Variants in HEBP2 observed in about 807,000 individuals in gnomAD.
HEBP2 encodes heme binding protein 2.
A neutral mutation model predicts 23.1 loss-of-function variants in HEBP2; 27 were observed. The ratio of observed to expected loss-of-function variants is 1.17; its 90% CI spans 0.86 to 1.61. The LOEUF (loss-of-function observed/expected upper bound fraction) is 1.61, where lower values mean the gene tolerates loss of function less well. Ranked by LOEUF, HEBP2 falls within the 40% of genes most tolerant of loss-of-function variation. The pLI, the probability that HEBP2 is intolerant of heterozygous loss-of-function variation, is 0.00. For missense variants in HEBP2, 245 were observed against 253.8 expected (o/e 0.97, Z 0.24); for synonymous variants, 99 against 95.1 (o/e 1.04, Z -0.24).
Position 138,415,985 on chromosome 6 carries a change from G to A in HEBP2, c.*2907G>A, listed in dbSNP as rs142751674. ...CAGGACTGGTCCCTCCCCTTCTCCT[G>A]GCTACCAGGCCTATAACGAGACTTA... On this transcript the variant is annotated 3_prime_UTR_variant, in exon 4 of 4. Transcript: ENST00000607197. 6.6e-6 allele frequency: 1 copy of A among 152,316 alleles called. No individual in the cohort carries two copies. Among genetic ancestry groups the A allele is most frequent in the African/African-American group, 2.4e-5 (1 of 41,514 alleles). The allele number at this position is 152,316 out of a possible 1,614,324, so 9.4% of individuals were successfully genotyped here. A position where few individuals can be genotyped will look rare whatever the true frequency, so the allele number is the denominator to read the frequency against.
chr6:138,405,422 C>A, intron 2 of HEBP2, 142 bp downstream of exon 2: 1 of 1,017,852 alleles, frequency 9.8e-7, no homozygotes, highest in Non-Finnish European at 1.4e-6. Context: ...TCAGACAAGA[C>A]TCCTCAGGAC....
chr6:138,419,532 G>T lies in HEBP2; in HGVS notation c.*6454G>T, dbSNP rs1455380734. ...AGGGAGAGTTCGCCAGCGGTCATAGGATCCACTGCTCCTATCACATACTGC... is the reference window on the plus strand; with the variant it reads ...AGGGAGAGTTCGCCAGCGGTCATAGTATCCACTGCTCCTATCACATACTGC... On this transcript the variant is annotated 3_prime_UTR_variant, in exon 4 of 4. Coordinates refer to ENST00000607197, the MANE Select transcript of HEBP2 (RefSeq NM_014320.3). 1 of 152,086 alleles carries T rather than the reference G, an allele frequency of 6.6e-6. No homozygotes were observed. Among genetic ancestry groups the T allele is most frequent in the Non-Finnish European group, 1.5e-5 (1 of 68,030 alleles). The allele number at this position is 152,086 out of a possible 1,614,324, so 9.4% of individuals were successfully genotyped here. A position where few individuals can be genotyped will look rare whatever the true frequency, so the allele number is the denominator to read the frequency against.
Position 138,413,158 on chromosome 6 carries a change from C to T in HEBP2, c.*80C>T, listed in dbSNP as rs370272516. ...ATCAACATGACCTATAAGTAAAGTG[C>T]GTGTCTAGTGTCTTCTATTGAGAGT... On this transcript the variant is annotated 3_prime_UTR_variant, in exon 4 of 4. Coordinates refer to ENST00000607197, the MANE Select transcript of HEBP2 (RefSeq NM_014320.3). 17 of 1,069,776 alleles carry T rather than the reference C, an allele frequency of 1.6e-5. No homozygotes were observed. Among genetic ancestry groups the T allele is most frequent in the Admixed American group, 5.8e-5 (3 of 52,108 alleles). 66.3% of individuals were successfully genotyped at this position (1,069,776 alleles called of 1,614,324 possible).
intron 3 of HEBP2, among the ~76,000 whole-genome samples, chr6:138,409,744 G>A (rs904721134): frequency 6.6e-6 from 1 of 152,156 alleles, no homozygotes; most frequent in Non-Finnish European, 1.5e-5. Context: ...GGTGCACAGT[G>A]CCACATATGA....
In HEBP2 at chr6:138,412,953, G is replaced by A. The variant is rs369556522; in HGVS notation, c.493G>A (p.Asp165Asn). 17 of 1,614,038 alleles carry A rather than the reference G, an allele frequency of 1.1e-5. No individual in the cohort carries two copies. The African/African-American group carries it at 2.0e-4, about 19-fold the overall frequency. The change falls in exon 4 of 4, where the codon GAT (aspartate) becomes AAT (asparagine). Residue 165 changes from aspartate to asparagine, a missense_variant. Transcript: ENST00000607197. The stretch of plus-strand genomic sequence containing the variant: ...GACATTAGCAAGCATTTTAAGGGAA[G>A]ATGGAAAAGTTTTCGATGAGAAGGT... ...LLTLASILRE[D>N]GKVFDEKVYY...
At position 138,420,654 on chromosome 6, in the gene HEBP2, A is replaced by G. The variant is rs140669443; in HGVS notation, c.*7576A>G. 5.0e-4 allele frequency: 76 copies of G among 152,362 alleles called. No homozygotes were observed. Among genetic ancestry groups the G allele is most frequent in the African/African-American group, 1.7e-3 (70 of 41,574 alleles). 9.4% of individuals were successfully genotyped at this position (152,362 alleles called of 1,614,324 possible). On this transcript the variant is annotated 3_prime_UTR_variant, in exon 4 of 4. Coordinates refer to ENST00000607197, the MANE Select transcript of HEBP2 (RefSeq NM_014320.3). ...GCTTTTCTGAGGGGGCCCTCTTGCC[A>G]AAGACCAAGCAAGGCCATGGTACAA...
chr6:138,413,182 GTAC>G lies in HEBP2; in HGVS notation c.*110_*112del, dbSNP rs376357189. The G allele has an allele frequency of 1.2e-6, 1 of 820,282 alleles. No individual in the cohort carries two copies. The highest frequency in any genetic ancestry group is 3.3e-4 in the Middle Eastern group (1 of 2,998). 50.8% of individuals were successfully genotyped at this position (820,282 alleles called of 1,614,324 possible). A position where few individuals can be genotyped will look rare whatever the true frequency, so the allele number is the denominator to read the frequency against. ...GCGTGTCTAGTGTCTTCTATTGAGA[GTAC>G]TACTATTAATTAAGCTTATTTCCAA... On this transcript the variant is annotated 3_prime_UTR_variant, in exon 4 of 4. Transcript: ENST00000607197.
In HEBP2 at chr6:138,410,467, A is replaced by G. The variant is rs1314251991; in HGVS notation, c.420-2413A>G. Among the ~76,000 whole-genome samples the G allele has an allele frequency of 2.0e-5, 3 of 151,266 alleles. No homozygotes were observed. In the East Asian group the frequency reaches 5.8e-4, roughly 29 times the overall value. On this transcript the variant is annotated intron_variant, in intron 3 of 3. Transcript: ENST00000607197. ...AAATAAATAATACATTTAAGAGCCA[A>G]AATGTTTCTTTCTTTTTTTTTTTTT...
In HEBP2 at chr6:138,411,901, A is replaced by C. The variant is rs868446455; in HGVS notation, c.420-979A>C. On this transcript the variant is annotated intron_variant, in intron 3 of 3. Transcript: ENST00000607197. ...AGGAGGTCAAGGATGCTCTGCCACC[A>C]TATTCCAGCCTGGGCAACAGACAGA... 1.6e-4 allele frequency among the ~76,000 whole-genome samples: 24 copies of C among 152,268 alleles called. 1 individual carries two copies. Among genetic ancestry groups the C allele is most frequent in the African/African-American group, 5.3e-4 (22 of 41,552 alleles).
intron 1 of HEBP2, 56 bp downstream of exon 1, chr6:138,404,653 T>C (rs1020290299): frequency 8.1e-6 from 9 of 1,108,238 alleles, no homozygotes; most frequent in African/African-American, 1.6e-5. Flanking sequence ...TGATTTGCAG[T>C]GAGGCCAGCG....
chr6:138,407,044 A>G (rs935598219), intron 3 of HEBP2, among the ~76,000 whole-genome samples: 8 of 152,230 alleles, frequency 5.3e-5, no homozygotes, highest in Admixed American at 3.3e-4. Context: ...AGAAAAATGT[A>G]TATATGAATT....
In HEBP2 at chr6:138,414,411, T is replaced by C. The variant is rs1369053439; in HGVS notation, c.*1333T>C. 2 of 152,126 alleles carry C rather than the reference T, an allele frequency of 1.3e-5. No individual in the cohort carries two copies. Among genetic ancestry groups the C allele is most frequent in the Non-Finnish European group, 2.9e-5 (2 of 68,040 alleles). 9.4% of individuals were successfully genotyped at this position (152,126 alleles called of 1,614,324 possible). ...GATTAGCATGATTTAGAAGCCTAGT[T>C]TGGAGGTGAGGTTACTGATGGGAAA... On this transcript the variant is annotated 3_prime_UTR_variant, in exon 4 of 4. Coordinates refer to ENST00000607197, the MANE Select transcript of HEBP2 (RefSeq NM_014320.3).
intron 3 of HEBP2, among the ~76,000 whole-genome samples, chr6:138,412,449 C>T (rs906737966): frequency 6.6e-6 from 1 of 152,018 alleles, no homozygotes; most frequent in Non-Finnish European, 1.5e-5. Flanking sequence ...GAGGGAGTAG[C>T]TTTTTTTATT....
chr6:138,405,153 T>C lies in HEBP2; in HGVS notation c.111T>C (p.Ser37=). 6.2e-7 allele frequency: 1 copy of C among 1,611,094 alleles called. No homozygotes were observed. The highest frequency in any genetic ancestry group is 8.5e-7 in the Non-Finnish European group (1 of 1,179,194). The change falls in exon 2 of 4, where the codon AGT becomes AGC. Residue 37 remains serine (S), a synonymous_variant. Coordinates refer to ENST00000607197, the MANE Select transcript of HEBP2 (RefSeq NM_014320.3). The part of the protein sequence containing the change: ...APEDAGPQPG[S]YEIRHYGPAK... ...TCTCTGTTCCACTTTAGCCCGGAAG[T>C]TATGAGATCCGACACTATGGACCAG...
In HEBP2 at chr6:138,421,521, A is replaced by AAAAT. The variant is rs1207884136; in HGVS notation, c.*8447_*8450dup. ...TTTGTTTCTCTCCCCACTGATAGTA[A>AAAAT]AAATAAAGTGGAAATAATTTAGGGC... On this transcript the variant is annotated 3_prime_UTR_variant, in exon 4 of 4. Transcript: ENST00000607197. 6.6e-6 allele frequency: 1 copy of AAAAT among 152,206 alleles called. No individual in the cohort carries two copies. Among genetic ancestry groups the AAAAT allele is most frequent in the African/African-American group, 2.4e-5 (1 of 41,448 alleles). The allele number at this position is 152,206 out of a possible 1,614,324, so 9.4% of individuals were successfully genotyped here. A position where few individuals can be genotyped will look rare whatever the true frequency, so the allele number is the denominator to read the frequency against.
upstream of HEBP2, chr6:138,403,638 G>A: frequency 2.3e-6 from 1 of 434,270 alleles, no homozygotes; most frequent in Middle Eastern, 3.1e-4. Flanking sequence ...AGTCGGCCTG[G>A]CCGGCGGAAA....
At position 138,418,560 on chromosome 6, in the gene HEBP2, A is replaced by G. The variant is rs893594931; in HGVS notation, c.*5482A>G. 2 of 152,296 alleles carry G rather than the reference A, an allele frequency of 1.3e-5. No individual in the cohort carries two copies. Among genetic ancestry groups the G allele is most frequent in the East Asian group, 3.8e-4 (2 of 5,200 alleles). 9.4% of individuals were successfully genotyped at this position (152,296 alleles called of 1,614,324 possible). Reference sequence around the variant, plus strand: ...CCATTGGAAGATGGAAATGATATGTACAGGAGCAGTTCCAAGCCAGACCAG... The same window carrying G: ...CCATTGGAAGATGGAAATGATATGTGCAGGAGCAGTTCCAAGCCAGACCAG... On this transcript the variant is annotated 3_prime_UTR_variant, in exon 4 of 4. Coordinates refer to ENST00000607197, the MANE Select transcript of HEBP2 (RefSeq NM_014320.3).
At chr6:138,403,696 C>CT (rs1475944424), upstream of HEBP2, 1 of 413,916 alleles carries the variant, frequency 2.4e-6, no homozygotes, top group African/African-American at 2.1e-5. Context: ...CGGGAAAGCC[C>CT]TGGTAACCAA....
At chr6:138,410,471 GTTTC>G (rs1211806304) in intron 3 of HEBP2, among the ~76,000 whole-genome samples, 78 of 144,214 alleles carry the variant, frequency 5.4e-4, no homozygotes, top group African/African-American at 1.8e-3. Flanking sequence ...GAGCCAAAAT[GTTTC>G]TTTCTTTTTT....
Sources: gnomAD v4.1 joint callset for allele counts (sites outside exome capture counted in the v4.1 genomes callset) on GRCh38, gnomAD v4.1.1 for gene constraint, MANE v1.5 for transcripts, NCBI Gene and HGNC (gene_info 2026-07-23, HGNC 2026-07-21) for gene names.